The following CHD9 variants were observed in gnomAD, a reference collection of about 807,000 sequenced individuals.
CHD9 encodes the protein chromodomain helicase DNA binding protein 9, also known as ATP-dependent chromatin remodeler CHD9.
In CHD9, 77 loss-of-function variants were observed where a neutral mutation model predicts 316.1. The ratio of observed to expected loss-of-function variants is 0.24; its 90% confidence interval spans 0.20 to 0.29. The LOEUF is 0.29. CHD9 is among the 10% of genes least tolerant of loss of function. CHD9 has a pLI of 1.00. For synonymous variants in CHD9, 1,129 were observed against 1,158.3 expected, an observed-to-expected ratio of 0.97 and a Z score of 0.51; for missense variants, 2,763 against 3,438.1, an observed-to-expected ratio of 0.80 and a Z score of 4.91.
Position 53,255,641 on chromosome 16 carries a change from A to G in CHD9, c.4071A>G (p.Arg1357=). The change falls in exon 19 of 39, where the codon CGA becomes CGG. Residue 1357 remains arginine, a synonymous_variant. Transcript: ENST00000447540. ...AAAAGGAAATAGAAGATCTGCTTCGAAGAGGTGCTTATGGTGCTATTATGG... is the reference window on the plus strand; with the variant it reads ...AAAAGGAAATAGAAGATCTGCTTCGGAGAGGTGCTTATGGTGCTATTATGG... ...LSKKEIEDLL[R]RGAYGAIMEE... is the part of the protein sequence containing the mutation. 6.2e-7 allele frequency: 1 copy of G among 1,613,842 alleles called. No homozygotes were observed. Among genetic ancestry groups the G allele is most frequent in the Non-Finnish European group, 8.5e-7 (1 of 1,179,780 alleles).
At chr16:53,112,946 G>C (rs2037982380) in intron 1 of CHD9, among the ~76,000 whole-genome samples, 1 of 152,168 alleles carries the variant, frequency 6.6e-6, no homozygotes, top group South Asian at 2.1e-4. Flanking sequence ...AGGCTGCAGT[G>C]AACTATGATG....
intron 12 of CHD9, among the ~76,000 whole-genome samples, chr16:53,239,709 T>C (rs2048930750): frequency 6.6e-6 from 1 of 152,108 alleles, no homozygotes; most frequent in African/African-American, 2.4e-5. Flanking sequence ...TACTTTTGTC[T>C]TCCAATGATA....
intron 2 of CHD9, among the ~76,000 whole-genome samples, chr16:53,160,205 C>G (rs1408691624): frequency 6.6e-6 from 1 of 152,156 alleles, no homozygotes; most frequent in Non-Finnish European, 1.5e-5. Context: ...ATTATGAGAG[C>G]TTATTGATTT....
At chr16:53,270,140 G>GT (rs1487116666) in intron 22 of CHD9, among the ~76,000 whole-genome samples, 1 of 150,350 alleles carries the variant, frequency 6.7e-6, no homozygotes, top group Non-Finnish European at 1.5e-5. Context: ...GAGTACAGGC[G>GT]TGTACCATCA....
intron 38 of CHD9, 30 bp downstream of exon 38, chr16:53,321,660 A>T (rs755209054): frequency 2.1e-5 from 25 of 1,184,752 alleles, no homozygotes; most frequent in Non-Finnish European, 2.8e-5. Context: ...TAACTCATAC[A>T]TTATTTTCAA....
chr16:53,248,850 C>T (rs1168836353), intron 16 of CHD9, among the ~76,000 whole-genome samples: 1 of 151,970 alleles, frequency 6.6e-6, no homozygotes, highest in African/African-American at 2.4e-5. Context: ...AGATTTTAAC[C>T]CATATAGATA....
In CHD9 at chr16:53,245,268, ATC is replaced by A; in HGVS notation, c.3055-66_3055-65del. ...ATATTTGCATATTGATCATTCGATA[ATC>A]TAAGTCAGCTTTCATATAATTTTAG... On this transcript the variant is annotated intron_variant, in intron 13 of 38. Coordinates refer to ENST00000447540, the MANE Select transcript of CHD9 (RefSeq NM_001308319.2). This position sits in a 1 kb window ranked among gnomAD's most constrained non-coding sequence, Gnocchi z 4.1. 1.6e-6 allele frequency: 2 copies of A among 1,236,028 alleles called. No homozygotes were observed. Among genetic ancestry groups the A allele is most frequent in the Non-Finnish European group, 2.2e-6 (2 of 921,356 alleles). 76.6% of individuals were successfully genotyped at this position (1,236,028 alleles called of 1,614,324 possible). A position where few individuals can be genotyped will look rare whatever the true frequency, so the allele number is the denominator to read the frequency against.
At chr16:53,274,324 A>G in intron 24 of CHD9, 22 bp downstream of exon 24, 2 of 1,466,860 alleles carry the variant, frequency 1.4e-6, no homozygotes, top group Non-Finnish European at 9.3e-7. Context: ...AATTTTTATT[A>G]TTTTTGTTTG....
chr16:53,196,383 G>A (rs945465624), intron 2 of CHD9, among the ~76,000 whole-genome samples: 1 of 152,058 alleles, frequency 6.6e-6, no homozygotes, highest in Admixed American at 6.6e-5. Flanking sequence ...ACTGAAATAG[G>A]CATTAATTAT....
chr16:53,231,606 G>A (rs1465082111), intron 9 of CHD9, 41 bp from the exon 10 acceptor site: 6 of 1,446,360 alleles, frequency 4.1e-6, no homozygotes, highest in Non-Finnish European at 4.7e-6. Context: ...TTTCTTACTA[G>A]TGTCTTTTTC....
chr16:53,254,602 T>C lies in CHD9; in HGVS notation c.4026T>C (p.Gly1342=), dbSNP rs1417880500. The change falls in exon 18 of 39, where the codon GGT becomes GGC. Residue 1342 remains glycine, a synonymous_variant. Coordinates refer to ENST00000447540, the MANE Select transcript of CHD9 (RefSeq NM_001308319.2). ...TGAGTGGAAGAGAAAGTAATGTTGG[T>C]GGTGTATGTATAGTTTCTTTTTCAC... ...QSMSGRESNV[G]GIQQLSKKEI... The C allele has an allele frequency of 1.2e-6, 2 of 1,603,352 alleles. No homozygotes were observed. Among genetic ancestry groups the C allele is most frequent in the South Asian group, 2.2e-5 (2 of 89,464 alleles).
At chr16:53,084,196 G>A (rs554994349) in intron 1 of CHD9, among the ~76,000 whole-genome samples, 1 of 152,256 alleles carries the variant, frequency 6.6e-6, no homozygotes, top group South Asian at 2.1e-4. Context: ...CAGTAGAAGA[G>A]CTCCTTAAAT....
chr16:53,128,690 A>G (rs2039082468), intron 1 of CHD9, among the ~76,000 whole-genome samples: 1 of 152,170 alleles, frequency 6.6e-6, no homozygotes, highest in Admixed American at 6.5e-5. Context: ...TTCAGAGCCA[A>G]CCTCTGCAAC....
intron 1 of CHD9, among the ~76,000 whole-genome samples, chr16:53,154,177 C>T (rs1332798130): frequency 6.6e-6 from 1 of 152,078 alleles, no homozygotes; most frequent in African/African-American, 2.4e-5. Context: ...TCTGGGCTTC[C>T]TAATTTTTTG....
intron 1 of CHD9, among the ~76,000 whole-genome samples, chr16:53,077,111 C>A (rs772070796): frequency 9.2e-5 from 14 of 151,694 alleles, no homozygotes; most frequent in Non-Finnish European, 2.1e-4. Flanking sequence ...CCTCAGCCTC[C>A]TGAGTAGCTG....
At chr16:53,202,235 AT>A (rs1466071953) in intron 2 of CHD9, among the ~76,000 whole-genome samples, 2 of 152,126 alleles carry the variant, frequency 1.3e-5, no homozygotes, top group Non-Finnish European at 2.9e-5. Flanking sequence ...TTCTCATATA[AT>A]CAAATATCTG....
At chr16:53,157,796 T>G (rs1174520981) in intron 2 of CHD9, among the ~76,000 whole-genome samples, 1 of 152,234 alleles carries the variant, frequency 6.6e-6, no homozygotes, top group Non-Finnish European at 1.5e-5. Context: ...TTGTGATGTT[T>G]ATGAATACCT....
chr16:53,139,802 G>A (rs1216997006), intron 1 of CHD9, among the ~76,000 whole-genome samples: 1 of 152,064 alleles, frequency 6.6e-6, no homozygotes, highest in East Asian at 1.9e-4. Flanking sequence ...TAAAGCCTTC[G>A]AAAATAATGC....
chr16:53,206,319 C>T, intron 2 of CHD9, among the ~76,000 whole-genome samples: 1 of 151,052 alleles, frequency 6.6e-6, no homozygotes, highest in East Asian at 1.9e-4. Context: ...CATGCCTCAC[C>T]TCTGTCTAGT....
Sources: allele counts gnomAD v4.1 joint callset (sites outside exome capture counted in the v4.1 genomes callset), GRCh38; gene constraint gnomAD v4.1.1; non-coding constraint Gnocchi (gnomAD v3.1); transcripts MANE v1.5; gene names NCBI Gene and HGNC (gene_info 2026-07-23, HGNC 2026-07-21).